ASPM: variants seen among roughly 807,000 people sequenced by gnomAD.
ASPM encodes assembly factor for spindle microtubules, also known as abnormal spindle-like microcephaly-associated protein.
A neutral mutation model predicts 366.4 loss-of-function variants in ASPM; 256 were observed. The ratio of observed to expected loss-of-function variants is 0.70; its 90% CI spans 0.63 to 0.77. The LOEUF (loss-of-function observed/expected upper bound fraction) is 0.77, where lower values mean the gene tolerates loss of function less well. ASPM is among the 30% of genes least tolerant of loss of function. The probability of loss-of-function intolerance (pLI) is 0.00; values close to 1 mark genes in which losing one functional copy is unlikely to be tolerated. For synonymous variants in ASPM, 1,414 were observed against 1,342.9 expected, an observed-to-expected ratio of 1.05 and a Z score of -1.16; for missense variants, 4,146 against 4,090.4, an observed-to-expected ratio of 1.01 and a Z score of -0.37.
chr1:197,091,864 G>T (rs1036667951), intron 22 of ASPM, 43 bp downstream of exon 22: 1 of 1,593,582 alleles, frequency 6.3e-7, no homozygotes, highest in Non-Finnish European at 8.6e-7. Flanking sequence ...ATTTCTAACA[G>T]AAAAATTATA....
chr1:197,122,708 A>G, intron 13 of ASPM, 113 bp from the exon 14 acceptor site: 1 of 1,049,442 alleles, frequency 9.5e-7, no homozygotes. Flanking sequence ...ACAAATCTAC[A>G]AGGCAAGTAA....
Position 197,142,684 on chromosome 1 carries a change from C to T in ASPM, c.1568G>A (p.Ser523Asn), listed in dbSNP as rs761433520. Residue 523 changes from serine (S) to asparagine (N), a missense_variant, in exon 3 of 28, where the codon AGT becomes AAT. Transcript: ENST00000367409. ...TACTTTTTCATGTTCACCCACTGCA[C>T]TGTTGAGACATCTTTTTGCTTTTGG... ...NKPKAKRCLN[S>N]AVGEHEKVIN... 1 of 1,613,858 alleles carries T rather than the reference C, an allele frequency of 6.2e-7. No individual in the cohort carries two copies. Among genetic ancestry groups the T allele is most frequent in the East Asian group, 2.2e-5 (1 of 44,872 alleles).
intron 26 of ASPM, among the ~76,000 whole-genome samples, chr1:197,087,531 TATTATAGTCAACATAGCA>T (rs71675127): frequency 0.18 from 26,760 of 152,050 alleles, 3,856 homozygotes; most frequent in East Asian, 0.69. Context: ...AAGAAGGAAT[TATTATAGTCAACATAGCA>T]ATTATAGTCA....
intron 17 of ASPM, among the ~76,000 whole-genome samples, chr1:197,108,894 C>T (rs1571605568): frequency 1.3e-5 from 2 of 148,654 alleles, no homozygotes; most frequent in Non-Finnish European, 3.0e-5. Context: ...TGGCTTGAGC[C>T]TAGGAGATTG....
intron 19 of ASPM, 136 bp from the exon 20 acceptor site, chr1:197,094,316 A>G: frequency 1.6e-6 from 1 of 625,968 alleles, no homozygotes; most frequent in Non-Finnish European, 2.9e-6. Context: ...AAAAGTGGGC[A>G]AGTATAATTC....
At position 197,132,160 on chromosome 1, in the gene ASPM, G is replaced by T. The variant is rs113682374; in HGVS notation, c.2487+125C>A. ...GGTATTACATTTTATACTAAAAGATGAATCAAGCTAACCTAATGACTTTCA... is the reference window on the plus strand; with the variant it reads ...GGTATTACATTTTATACTAAAAGATTAATCAAGCTAACCTAATGACTTTCA... On this transcript the variant is annotated intron_variant, in intron 7 of 27. Transcript: ENST00000367409. The T allele has an allele frequency of 3.4e-3, 2,362 of 702,380 alleles. 27 individuals carry two copies. The highest frequency in any genetic ancestry group is 0.029 in the African/African-American group (1,610 of 55,062). The allele number at this position is 702,380 out of a possible 1,614,324, so 43.5% of individuals were successfully genotyped here. A position where few individuals can be genotyped will look rare whatever the true frequency, so the allele number is the denominator to read the frequency against.
At chr1:197,105,336 G>C (rs186528939) in intron 17 of ASPM, 151 bp from the exon 18 acceptor site, 65 of 714,424 alleles carry the variant, frequency 9.1e-5, no homozygotes, top group South Asian at 7.9e-5. Context: ...TGTCTCTTTT[G>C]TTTTTAGTTT....
intron 1 of ASPM, among the ~76,000 whole-genome samples, chr1:197,145,854 A>G: frequency 1.2e-5 from 1 of 83,704 alleles, no homozygotes; most frequent in Non-Finnish European, 3.1e-5. Flanking sequence ...GAATATATAT[A>G]TATATATATA....
Position 197,146,369 on chromosome 1 carries a change from C to A in ASPM, c.69G>T (p.Gly23=), listed in dbSNP as rs762856685. The stretch of plus-strand genomic sequence containing the variant: ...CCTCCTCGGCCGCGGGGCCCCGCAG[C>A]CCCGCGGGCGGCCTCCGCTCGGTCG... ...VSPTERRPPA[G]LRGPAAEEEA... is the part of the protein sequence containing the mutation. The change falls in exon 1 of 28, where the codon GGG becomes GGT. Residue 23 remains glycine, a synonymous_variant. Coordinates refer to ENST00000367409, the MANE Select transcript of ASPM (RefSeq NM_018136.5). 6.2e-7 allele frequency: 1 copy of A among 1,608,584 alleles called. No homozygotes were observed. The highest frequency in any genetic ancestry group is 8.5e-7 in the Non-Finnish European group (1 of 1,178,502).
Position 197,139,588 on chromosome 1 carries a change from T to C in ASPM, c.2026+179A>G, listed in dbSNP as rs76939175. ...CCCTACTGATCTATTGAACATTTGG[T>C]CTTTATTTCTTTTATCAAACAGAAA... On this transcript the variant is annotated intron_variant, in intron 4 of 27. Transcript: ENST00000367409. Among the ~76,000 whole-genome samples the C allele has an allele frequency of 6.3e-3, 967 of 152,330 alleles. 7 individuals carry two copies. The highest frequency in any genetic ancestry group is 9.9e-3 in the Non-Finnish European group (674 of 68,022).
At chr1:197,127,701 T>C (rs924053342) in intron 10 of ASPM, among the ~76,000 whole-genome samples, 2 of 152,204 alleles carry the variant, frequency 1.3e-5, no homozygotes, top group Non-Finnish European at 2.9e-5. Flanking sequence ...ATTGAGGAAA[T>C]ATTGTGTAAT....
chr1:197,129,872 A>G (rs1658208771), intron 8 of ASPM, 43 bp downstream of exon 8: 5 of 1,588,084 alleles, frequency 3.1e-6, no homozygotes, highest in African/African-American at 1.3e-5. Context: ...TAAGCCATTC[A>G]TGTATAATGT....
chr1:197,139,069 T>C (rs1658503201), intron 4 of ASPM: 2 of 747,510 alleles, frequency 2.7e-6, no homozygotes, highest in Non-Finnish European at 2.4e-6. Flanking sequence ...TGGGCCCAGA[T>C]CTGTAAAGCC....
At chr1:197,086,767 G>C (rs746559241) in intron 27 of ASPM, 36 bp downstream of exon 27, 1 of 1,527,966 alleles carries the variant, frequency 6.5e-7, no homozygotes, top group South Asian at 1.1e-5. Flanking sequence ...TGAATGAACA[G>C]TGACACAAAT....
rs1345509105 is a variant in ASPM at position 197,096,132 on chromosome 1, A to G, written c.8853T>C (p.Tyr2951=). 2 of 1,608,702 alleles carry G rather than the reference A, an allele frequency of 1.2e-6. No homozygotes were observed. Among genetic ancestry groups the G allele is most frequent in the Non-Finnish European group, 1.7e-6 (2 of 1,176,262 alleles). ...TGCAGGCAGCTTTCACTTTACATAA[A>G]TATTTCTTGGCTCTATATCTCCTCC... is the stretch of plus-strand genomic sequence containing the variant. ...AMWRRYRAKK[Y]LCKVKAACKI... The change falls in exon 19 of 28, where the codon TAT becomes TAC. Residue 2951 remains tyrosine, a synonymous_variant. Transcript: ENST00000367409.
rs529900476 is a variant in ASPM, at chr1:197,134,244, A to T, written c.2174-649T>A. Among the ~76,000 whole-genome samples, 96 of 54,836 alleles carry T rather than the reference A, an allele frequency of 1.8e-3. 1 individual carries two copies. The highest frequency in any genetic ancestry group is 2.6e-3 in the African/African-American group (90 of 34,430). The allele number at this position is 54,836 out of a possible 152,430, so 36.0% of individuals were successfully genotyped here. A position where few individuals can be genotyped will look rare whatever the true frequency, so the allele number is the denominator to read the frequency against. On this transcript the variant is annotated intron_variant, in intron 5 of 27. Coordinates refer to ENST00000367409, the MANE Select transcript of ASPM (RefSeq NM_018136.5). Reference sequence around the variant, plus strand: ...AAGAACTCTTCTATTCAAAAATAAAAAATAATAAAAAAAAAAAACTAGCCA... The same window carrying T: ...AAGAACTCTTCTATTCAAAAATAAATAATAATAAAAAAAAAAAACTAGCCA...
At chr1:197,092,986 T>C in intron 21 of ASPM, 66 bp downstream of exon 21, 1 of 1,353,918 alleles carries the variant, frequency 7.4e-7, no homozygotes, top group Non-Finnish European at 1.1e-6. Context: ...CAAAGTTTCT[T>C]AACACTATTT....
At position 197,093,254 on chromosome 1, in the gene ASPM, CGAT is replaced by C; in HGVS notation, c.9089_9091del (p.His3030del). 1 of 1,611,492 alleles carries C rather than the reference CGAT, an allele frequency of 6.2e-7. No homozygotes were observed. Among genetic ancestry groups the C allele is most frequent in the South Asian group, 1.1e-5 (1 of 91,024 alleles). ...ATGTGCTTGGATCAAACAAGCAGCT[CGAT>C]GTCTCTATAAGGAAAAATTTACAAG... On this transcript the variant is annotated inframe_deletion, in exon 21 of 28. Coordinates refer to ENST00000367409, the MANE Select transcript of ASPM (RefSeq NM_018136.5).
At chr1:197,091,873 T>C in intron 22 of ASPM, 34 bp downstream of exon 22, 1 of 1,599,618 alleles carries the variant, frequency 6.3e-7, no homozygotes, top group Non-Finnish European at 8.5e-7. Flanking sequence ...AGAAAAATTA[T>C]ATCATATAGT....
Sources: gnomAD v4.1 joint callset for allele counts (sites outside exome capture counted in the v4.1 genomes callset) on GRCh38, gnomAD v4.1.1 for gene constraint, MANE v1.5 for transcripts, NCBI Gene and HGNC (gene_info 2026-07-23, HGNC 2026-07-21) for gene names.